The following IPO5 variants were observed in gnomAD, a reference collection of about 807,000 sequenced individuals.
IPO5 encodes importin-5.
In IPO5, 18 loss-of-function variants were observed where a neutral mutation model predicts 143.3. The ratio of observed to expected loss-of-function variants is 0.13; its 90% CI spans 0.09 to 0.19. The LOEUF (loss-of-function observed/expected upper bound fraction) is 0.19, where lower values mean the gene tolerates loss of function less well. Among genes scored for constraint, IPO5 ranks in the 10% least tolerant of loss-of-function variants. The probability of loss-of-function intolerance (pLI) is 1.00; values close to 1 mark genes in which losing one functional copy is unlikely to be tolerated. For missense variants in IPO5, 1,013 were observed against 1,336.9 expected (o/e 0.76, Z 3.78); for synonymous variants, 477 against 465.7 (o/e 1.02, Z -0.31).
At chr13:97,970,219 CTA>C (rs1885704075) in intron 3 of IPO5, among the ~76,000 whole-genome samples, 1 of 152,086 alleles carries the variant, frequency 6.6e-6, no homozygotes, top group Admixed American at 6.5e-5. Flanking sequence ...ATAAATATAA[CTA>C]TTTTATTTAA....
intron 13 of IPO5, among the ~76,000 whole-genome samples, chr13:98,001,371 T>A (rs1888758570): frequency 6.6e-6 from 1 of 152,228 alleles, no homozygotes; most frequent in South Asian, 2.1e-4. Flanking sequence ...AATCTCGCTC[T>A]GTTGCCCAGG....
intron 13 of IPO5, 75 bp from the exon 14 acceptor site, chr13:98,002,392 T>C (rs1594102836): frequency 1.4e-6 from 2 of 1,422,684 alleles, no homozygotes; most frequent in Non-Finnish European, 9.7e-7. Context: ...ATAAGAACTT[T>C]TATACATCTC....
chr13:98,019,472 T>C lies in IPO5; in HGVS notation c.2837-109T>C, dbSNP rs1031627702. 7.3e-5 allele frequency: 57 copies of C among 781,108 alleles called. No homozygotes were observed. The African/African-American group carries it at 8.0e-4, about 11-fold the overall frequency. The allele number at this position is 781,108 out of a possible 1,614,324, so 48.4% of individuals were successfully genotyped here. Reference sequence around the variant, plus strand: ...AGAAGACAACACTTCCCATACACTTTAACATTTCTTTACCATAATCAATAT... The same window carrying C: ...AGAAGACAACACTTCCCATACACTTCAACATTTCTTTACCATAATCAATAT... On this transcript the variant is annotated intron_variant, in intron 26 of 28. Transcript: ENST00000651721.
Position 98,002,453 on chromosome 13 carries a change from A to AT in IPO5, c.1109-7dup. ...GTGTGTAATTGCTATTCCATCTGTA[A>AT]TTTTTTTCGGTAGCTGACTGGAAAT... On this transcript the variant is annotated splice_polypyrimidine_tract_variant and intron_variant, in intron 13 of 28. Coordinates refer to ENST00000651721, the MANE Select transcript of IPO5 (RefSeq NM_002271.6). 1 of 1,612,862 alleles carries AT rather than the reference A, an allele frequency of 6.2e-7. No homozygotes were observed. The highest frequency in any genetic ancestry group is 8.5e-7 in the Non-Finnish European group (1 of 1,179,352).
intron 4 of IPO5, among the ~76,000 whole-genome samples, chr13:97,978,505 T>C (rs1886576632): frequency 6.6e-6 from 1 of 152,266 alleles, no homozygotes; most frequent in East Asian, 1.9e-4. Context: ...TACTGAAAAG[T>C]AGCATTTGTT....
intron 20 of IPO5, among the ~76,000 whole-genome samples, chr13:98,010,780 C>CTTTGTTTTTTTTTTTTTTTTTTTTT (rs1889641327): frequency 1.4e-5 from 1 of 70,032 alleles, no homozygotes; most frequent in Admixed American, 1.4e-4. Flanking sequence ...AAGGATAATC[C>CTTTGTTTTTTTTTTTTTTTTTTTTT]TTTTTTTTTT....
intron 3 of IPO5, chr13:97,975,980 G>C: frequency 1.0e-6 from 1 of 985,494 alleles, no homozygotes. Flanking sequence ...CTGAAAGCGA[G>C]AAGTCCGTGA....
At chr13:97,997,197 A>C (rs1018650547) in intron 11 of IPO5, among the ~76,000 whole-genome samples, 2 of 152,232 alleles carry the variant, frequency 1.3e-5, no homozygotes, top group African/African-American at 4.8e-5. Context: ...TTGTATAGAG[A>C]TATGGAAATC....
At chr13:97,966,839 G>C (rs1885385123) in intron 2 of IPO5, among the ~76,000 whole-genome samples, 1 of 152,262 alleles carries the variant, frequency 6.6e-6, no homozygotes, top group Admixed American at 6.5e-5. Context: ...AGGAGTTCAA[G>C]ACCAACCTGA....
At chr13:98,013,895 C>A in intron 21 of IPO5, 147 bp from the exon 22 acceptor site, 1 of 623,510 alleles carries the variant, frequency 1.6e-6, no homozygotes, top group Admixed American at 3.3e-5. Flanking sequence ...TATGTCTTTT[C>A]TATTTTTATA....
intron 3 of IPO5, chr13:97,976,018 A>C (rs1886260552): frequency 1.1e-6 from 1 of 930,400 alleles, no homozygotes; most frequent in Non-Finnish European, 1.3e-6. Context: ...AGTGGGTCTA[A>C]AGGGACTGCC....
Position 97,997,596 on chromosome 13 carries a change from C to G in IPO5, c.979C>G (p.Leu327Val). ...EDEDWANADELEDDDFDSNAV... is the reference protein window; with the variant it reads ...EDEDWANADEVEDDDFDSNAV... ...TGAGGACTGGGCAAATGCAGATGAA[C>G]TAGAAGATGATGATTTTGACAGGTA... Residue 327 changes from leucine to valine, a missense_variant, in exon 12 of 29, where the codon CTA (leucine) becomes GTA (valine). This residue lies in a region of IPO5 where 685 missense variants were observed against 994.9 expected (regional missense o/e 0.69). Transcript: ENST00000651721. 1 of 1,608,594 alleles carries G rather than the reference C, an allele frequency of 6.2e-7. No individual in the cohort carries two copies. Among genetic ancestry groups the G allele is most frequent in the Non-Finnish European group, 8.5e-7 (1 of 1,175,578 alleles).
At chr13:98,004,974 C>T (rs376122526) in intron 16 of IPO5, among the ~76,000 whole-genome samples, 126 of 152,210 alleles carry the variant, frequency 8.3e-4, no homozygotes, top group Middle Eastern at 6.8e-3. Context: ...CTGCTCACCG[C>T]AACCGCCGTC....
chr13:98,016,098 C>G (rs1427505549), intron 24 of IPO5, among the ~76,000 whole-genome samples: 1 of 152,162 alleles, frequency 6.6e-6, no homozygotes, highest in African/African-American at 2.4e-5. Context: ...GATGAGTAAC[C>G]TAAAATTCCA....
At chr13:97,979,346 C>T (rs1264718705) in intron 4 of IPO5, among the ~76,000 whole-genome samples, 1 of 152,112 alleles carries the variant, frequency 6.6e-6, no homozygotes, top group Non-Finnish European at 1.5e-5. Context: ...GAAGAGACGT[C>T]AAAACTCTAA....
Position 98,022,070 on chromosome 13 carries a change from G to C in IPO5, c.*248G>C. Reference sequence around the variant, plus strand: ...TAGCACTGAAGACTATTTTTCTATTGGTATAACCCGCCCACCTGAAGGGGA... The same window carrying C: ...TAGCACTGAAGACTATTTTTCTATTCGTATAACCCGCCCACCTGAAGGGGA... On this transcript the variant is annotated 3_prime_UTR_variant, in exon 29 of 29. Transcript: ENST00000651721. The C allele has an allele frequency of 5.9e-6, 2 of 341,314 alleles. No individual in the cohort carries two copies. The allele number at this position is 341,314 out of a possible 1,614,324, so 21.1% of individuals were successfully genotyped here. A position where few individuals can be genotyped will look rare whatever the true frequency, so the allele number is the denominator to read the frequency against.
chr13:97,984,225 G>T (rs887261534), intron 5 of IPO5, among the ~76,000 whole-genome samples: 1 of 151,712 alleles, frequency 6.6e-6, no homozygotes, highest in Non-Finnish European at 1.5e-5. Context: ...TGATCCGCCC[G>T]CCTCGGCCTC....
intron 3 of IPO5, among the ~76,000 whole-genome samples, chr13:97,975,412 A>G (rs532809354): frequency 2.9e-4 from 44 of 152,084 alleles, no homozygotes; most frequent in African/African-American, 1.1e-3. Context: ...AATTGTTTGA[A>G]CCCGGGAGGC....
rs143820504 is a variant in IPO5 at position 97,993,798 on chromosome 13, C to CT, written c.913+574dup. ...TCTGGCCTAGCCATTTCTTAATGAG[C>CT]TAATGAGTACTTGAACACTTAATTT... On this transcript the variant is annotated intron_variant, in intron 11 of 28. Coordinates refer to ENST00000651721, the MANE Select transcript of IPO5 (RefSeq NM_002271.6). Among the ~76,000 whole-genome samples the CT allele has an allele frequency of 6.9e-3, 1,052 of 152,316 alleles. 16 individuals carry two copies. The highest frequency in any genetic ancestry group is 0.024 in the African/African-American group (987 of 41,554).
Sources: gnomAD v4.1 joint callset for allele counts (sites outside exome capture counted in the v4.1 genomes callset) on GRCh38, gnomAD v4.1.1 for gene constraint, gnomAD v4.1.1 regional missense constraint, MANE v1.5 for transcripts, NCBI Gene and HGNC (gene_info 2026-07-23, HGNC 2026-07-21) for gene names.